The following FSIP1 variants were observed in gnomAD, a reference collection of about 807,000 sequenced individuals.
FSIP1 encodes the protein fibrous sheath-interacting protein 1.
A neutral mutation model predicts 60.9 loss-of-function variants in FSIP1; 65 were observed. The observed-to-expected ratio is 1.07, with a 90% CI of 0.87 to 1.31. The LOEUF (loss-of-function observed/expected upper bound fraction) is 1.31. Among genes scored for constraint, FSIP1 ranks in the 40% most tolerant of loss-of-function variants. The pLI is 0.00. For synonymous variants in FSIP1, 209 were observed against 221.2 expected (o/e 0.94, Z 0.49); for missense variants, 675 against 665.5 (o/e 1.01, Z -0.16).
chr15:39,749,268 A>AAAAAAAAAAAAAAAAAAAAAAAAAC (rs1897093304), intron 5 of FSIP1, among the ~76,000 whole-genome samples: 1 of 150,542 alleles, frequency 6.6e-6, no homozygotes, highest in African/African-American at 2.4e-5. Context: ...TCTTCCAAAA[A>AAAAAAAAAAAAAAAAAAAAAAAAAC]AAAAAAAACC....
chr15:39,770,389 G>C, intron 3 of FSIP1, 38 bp downstream of exon 3: 1 of 1,374,098 alleles, frequency 7.3e-7, no homozygotes, highest in Non-Finnish European at 9.8e-7. Flanking sequence ...ATTAACATTT[G>C]TAATTATCAT....
At chr15:39,628,955 G>A (rs1185402661) in intron 10 of FSIP1, among the ~76,000 whole-genome samples, 1 of 152,186 alleles carries the variant, frequency 6.6e-6, no homozygotes, top group Non-Finnish European at 1.5e-5. Context: ...ATGCAGACGA[G>A]GCAGGAGCTC....
intron 10 of FSIP1, among the ~76,000 whole-genome samples, chr15:39,707,569 C>G (rs1011805896): frequency 6.6e-6 from 1 of 152,088 alleles, no homozygotes; most frequent in Admixed American, 6.6e-5. Context: ...GTCCTTCCCC[C>G]CTTATCCTGG....
intron 10 of FSIP1, among the ~76,000 whole-genome samples, chr15:39,650,561 A>C (rs1317739150): frequency 6.6e-6 from 1 of 152,190 alleles, no homozygotes; most frequent in Non-Finnish European, 1.5e-5. Flanking sequence ...TAAGCAGTAC[A>C]ATCAATGGAT....
intron 10 of FSIP1, 106 bp downstream of exon 10, chr15:39,713,337 TG>T: frequency 1.1e-6 from 1 of 935,008 alleles, no homozygotes; most frequent in Non-Finnish European, 1.6e-6. Flanking sequence ...CAGGCTGAGG[TG>T]GGCAGGTCAC....
At chr15:39,742,801 C>A (rs1202965163) in intron 5 of FSIP1, among the ~76,000 whole-genome samples, 2 of 152,144 alleles carry the variant, frequency 1.3e-5, no homozygotes, top group African/African-American at 4.8e-5. Flanking sequence ...AATTCCAATT[C>A]CCTAATTTGG....
At chr15:39,684,236 C>T (rs1013588133) in intron 10 of FSIP1, among the ~76,000 whole-genome samples, 1 of 152,150 alleles carries the variant, frequency 6.6e-6, no homozygotes, top group African/African-American at 2.4e-5. Flanking sequence ...GGCAAAGGAA[C>T]AGACACATGT....
chr15:39,619,005 T>G (rs907572370), intron 10 of FSIP1, among the ~76,000 whole-genome samples: 4 of 152,130 alleles, frequency 2.6e-5, no homozygotes, highest in African/African-American at 9.7e-5. Flanking sequence ...GTGGATTATC[T>G]AGGAAAAGAC....
chr15:39,657,076 T>C (rs1265783506), intron 10 of FSIP1, among the ~76,000 whole-genome samples: 1 of 152,142 alleles, frequency 6.6e-6, no homozygotes, highest in Non-Finnish European at 1.5e-5. Context: ...TTCCACAAAC[T>C]CTCTGCAATG....
At chr15:39,698,081 C>T (rs780733677) in intron 10 of FSIP1, among the ~76,000 whole-genome samples, 1 of 151,396 alleles carries the variant, frequency 6.6e-6, no homozygotes, top group African/African-American at 2.4e-5. Context: ...TAGTCACTAG[C>T]CACATGGGGC....
chr15:39,726,879 C>G, intron 8 of FSIP1, 132 bp from the exon 9 acceptor site: 1 of 620,554 alleles, frequency 1.6e-6, no homozygotes, highest in South Asian at 2.1e-5. Flanking sequence ...ACACAACACA[C>G]ACAAACAGAA....
intron 10 of FSIP1, among the ~76,000 whole-genome samples, chr15:39,627,003 C>T (rs57969006): frequency 0.12 from 18,819 of 152,118 alleles, 1,392 homozygotes; most frequent in East Asian, 0.21. Flanking sequence ...ACAGAGAACA[C>T]TCAGCTAGGC....
intron 11 of FSIP1, among the ~76,000 whole-genome samples, chr15:39,613,871 G>A (rs953620803): frequency 6.6e-6 from 1 of 152,114 alleles, no homozygotes; most frequent in African/African-American, 2.4e-5. Flanking sequence ...AATCTCAATA[G>A]ATGAAGAAAA....
intron 5 of FSIP1, among the ~76,000 whole-genome samples, chr15:39,758,296 G>A (rs909475504): frequency 2.6e-5 from 4 of 152,080 alleles, no homozygotes; most frequent in Admixed American, 1.3e-4. Context: ...CTCTGTGACC[G>A]AAAAGCTTAA....
intron 10 of FSIP1, among the ~76,000 whole-genome samples, chr15:39,638,051 G>A (rs563962838): frequency 6.6e-6 from 1 of 152,290 alleles, no homozygotes; most frequent in South Asian, 2.1e-4. Flanking sequence ...GCAAATTAGA[G>A]AATCTGGAAA....
At chr15:39,718,781 G>A (rs1895847193) in intron 9 of FSIP1, among the ~76,000 whole-genome samples, 1 of 152,186 alleles carries the variant, frequency 6.6e-6, no homozygotes, top group African/African-American at 2.4e-5. Context: ...ACAGATGTGA[G>A]CCACTGATTT....
intron 3 of FSIP1, 56 bp downstream of exon 3, chr15:39,770,371 T>A: frequency 7.8e-7 from 1 of 1,290,134 alleles, no homozygotes; most frequent in Non-Finnish European, 1.1e-6. Flanking sequence ...ATAACATTTG[T>A]AATAATCATT....
chr15:39,692,164 C>T (rs1017219375), intron 10 of FSIP1, among the ~76,000 whole-genome samples: 1 of 152,070 alleles, frequency 6.6e-6, no homozygotes, highest in Non-Finnish European at 1.5e-5. Flanking sequence ...AGGAAAGAAC[C>T]CCCAGAGGGA....
At position 39,653,175 on chromosome 15, in the gene FSIP1, CA is replaced by C. The variant is rs35671970; in HGVS notation, c.1189-34931del. ...TGTGTGACGGAGCCAGACTTTGTCT[CA>C]AAAAAAAAAAAAAAAACCCAAAAAC... On this transcript the variant is annotated intron_variant, in intron 10 of 11. Coordinates refer to ENST00000350221, the MANE Select transcript of FSIP1 (RefSeq NM_152597.5). Among the ~76,000 whole-genome samples the C allele has an allele frequency of 7.0e-3, 813 of 116,650 alleles. 10 individuals carry two copies. Among genetic ancestry groups the C allele is most frequent in the African/African-American group, 0.025 (731 of 28,838 alleles). The allele number at this position is 116,650 out of a possible 152,430, so 76.5% of individuals were successfully genotyped here. A position where few individuals can be genotyped will look rare whatever the true frequency, so the allele number is the denominator to read the frequency against.
Sources: allele counts gnomAD v4.1 joint callset (sites outside exome capture counted in the v4.1 genomes callset), GRCh38; gene constraint gnomAD v4.1.1; transcripts MANE v1.5; gene names NCBI Gene and HGNC (gene_info 2026-07-23, HGNC 2026-07-21).